ADGRL3: variants seen among roughly 807,000 people sequenced by gnomAD.
ADGRL3 encodes the protein adhesion G protein-coupled receptor L3, also known as calcium-independent alpha-latrotoxin receptor 3.
Under a neutral mutation model 153.5 loss-of-function variants are expected in ADGRL3, and 62 were observed. The observed-to-expected ratio is 0.40, with a 90% CI of 0.33 to 0.50. The LOEUF is 0.50. Among genes scored for constraint, ADGRL3 ranks in the 20% least tolerant of loss-of-function variants. The probability of loss-of-function intolerance (pLI) is 0.47; values close to 1 mark genes in which losing one functional copy is unlikely to be tolerated. For synonymous variants in ADGRL3, 710 were observed against 672.5 expected (o/e 1.06, Z -0.86); for missense variants, 1,641 against 1,859.4 (o/e 0.88, Z 2.16).
intron 11 of ADGRL3, among the ~76,000 whole-genome samples, chr4:61,907,623 C>CAT (rs201165690): frequency 0.019 from 2,808 of 149,988 alleles, 87 homozygotes; most frequent in African/African-American, 0.059. Context: ...TATACATACA[C>CAT]ATATATATAT....
chr4:61,869,157 T>A (rs971741844), intron 9 of ADGRL3, among the ~76,000 whole-genome samples: 5 of 152,056 alleles, frequency 3.3e-5, no homozygotes, highest in Admixed American at 6.5e-5. Context: ...TTGCCCAGGC[T>A]GGTCTTGAAC....
intron 2 of ADGRL3, among the ~76,000 whole-genome samples, chr4:61,390,841 C>G (rs1228934600): frequency 1.3e-5 from 2 of 152,154 alleles, no homozygotes; most frequent in East Asian, 3.9e-4. Context: ...GCCTCTGCCC[C>G]TAACTCCCCG....
intron 4 of ADGRL3, among the ~76,000 whole-genome samples, chr4:61,546,721 C>A (rs941324012): frequency 2.0e-5 from 3 of 152,040 alleles, no homozygotes; most frequent in Non-Finnish European, 2.9e-5. Context: ...ATTCTCCAGA[C>A]ATGAGAAAAT....
chr4:61,219,163 A>G (rs1744235386), intron 1 of ADGRL3, among the ~76,000 whole-genome samples: 1 of 152,128 alleles, frequency 6.6e-6, no homozygotes, highest in Non-Finnish European at 1.5e-5. Flanking sequence ...CATTTTGACT[A>G]TACTATGCTG....
chr4:61,732,859 A>C lies in ADGRL3; in HGVS notation c.704A>C (p.Asp235Ala). Residue 235 changes from aspartate (D) to alanine (A), a missense_variant, in exon 8 of 27, where the codon GAC becomes GCC. Physicochemically the swap from Asp to Ala is moderately radical, Grantham distance 126. This residue lies in a region of ADGRL3 where 213 missense variants were observed against 362.1 expected (regional missense o/e 0.59). Coordinates refer to ENST00000683033, the MANE Select transcript of ADGRL3 (RefSeq NM_001387552.1). ...AWCKDPLQAS[D>A]KIYYMPWTPY... is the part of the protein sequence containing the mutation. ...TGCAAAGACCCTCTGCAGGCATCTG[A>C]CAAGATTTATTATATGCCCTGGACT... The C allele has an allele frequency of 1.2e-6, 2 of 1,613,594 alleles. No individual in the cohort carries two copies. The highest frequency in any genetic ancestry group is 4.5e-5 in the East Asian group (2 of 44,874).
intron 21 of ADGRL3, among the ~76,000 whole-genome samples, chr4:62,027,576 C>A (rs921353321): frequency 3.9e-5 from 6 of 151,956 alleles, no homozygotes; most frequent in African/African-American, 1.4e-4. Context: ...TATTTTACTG[C>A]ATCATATTAC....
chr4:61,453,377 G>T (rs1216510888), intron 2 of ADGRL3, among the ~76,000 whole-genome samples: 1 of 152,088 alleles, frequency 6.6e-6, no homozygotes, highest in South Asian at 2.1e-4. Context: ...TTTTCAAAAT[G>T]TTCACAAATA....
intron 13 of ADGRL3, among the ~76,000 whole-genome samples, chr4:61,930,277 A>AG (rs1421038785): frequency 2.0e-5 from 3 of 152,034 alleles, no homozygotes; most frequent in African/African-American, 4.8e-5. Flanking sequence ...AAATGGAGGA[A>AG]GGGGGGTAAC....
intron 8 of ADGRL3, among the ~76,000 whole-genome samples, chr4:61,756,436 A>T (rs2096831575): frequency 6.6e-6 from 1 of 152,194 alleles, no homozygotes; most frequent in South Asian, 2.1e-4. Flanking sequence ...TTATTGGTGT[A>T]TAAGAATGCT....
chr4:61,573,644 G>T (rs530477812), intron 4 of ADGRL3, among the ~76,000 whole-genome samples: 21 of 151,880 alleles, frequency 1.4e-4, no homozygotes, highest in Middle Eastern at 3.4e-3. Flanking sequence ...CCATCAATTT[G>T]TCAACTAGAA....
At chr4:61,326,311 T>C (rs2095462594) in intron 1 of ADGRL3, among the ~76,000 whole-genome samples, 1 of 152,098 alleles carries the variant, frequency 6.6e-6, no homozygotes, top group Non-Finnish European at 1.5e-5. Flanking sequence ...TTTCAAATTT[T>C]CAGGAGACAC....
chr4:61,368,434 CT>C (rs2096451675), intron 1 of ADGRL3, among the ~76,000 whole-genome samples: 1 of 152,130 alleles, frequency 6.6e-6, no homozygotes, highest in East Asian at 1.9e-4. Flanking sequence ...CCAGTTTCAG[CT>C]TTTCTACATA....
intron 2 of ADGRL3, among the ~76,000 whole-genome samples, chr4:61,487,443 A>G (rs560706095): frequency 2.6e-5 from 4 of 152,238 alleles, no homozygotes; most frequent in African/African-American, 9.6e-5. Context: ...GTAAGGGCTT[A>G]ATAAATGTTA....
At chr4:61,841,329 GTCA>G (rs1336355130) in intron 9 of ADGRL3, among the ~76,000 whole-genome samples, 2 of 152,038 alleles carry the variant, frequency 1.3e-5, no homozygotes, top group Non-Finnish European at 2.9e-5. Context: ...TATAAATTAG[GTCA>G]TTTCTTAAAT....
At chr4:61,535,849 C>T (rs2098652618) in intron 4 of ADGRL3, among the ~76,000 whole-genome samples, 2 of 151,936 alleles carry the variant, frequency 1.3e-5, no homozygotes, top group East Asian at 3.9e-4. Flanking sequence ...TTTCAAATAA[C>T]CAATTTTTTA....
intron 5 of ADGRL3, among the ~76,000 whole-genome samples, chr4:61,630,493 G>GGTT (rs1325526344): frequency 6.6e-6 from 1 of 152,116 alleles, no homozygotes; most frequent in Non-Finnish European, 1.5e-5. Context: ...ACATGCTGTT[G>GGTT]GTTGTTGTTG....
chr4:61,695,423 A>G (rs6825200), intron 6 of ADGRL3, among the ~76,000 whole-genome samples: 56,805 of 151,972 alleles, frequency 0.37, 11,967 homozygotes, highest in Non-Finnish European at 0.49. Context: ...TTTTGAAAGT[A>G]ATCTCTTTTT....
At chr4:61,494,752 G>C (rs2098295237) in intron 2 of ADGRL3, among the ~76,000 whole-genome samples, 1 of 151,816 alleles carries the variant, frequency 6.6e-6, no homozygotes, top group Admixed American at 6.6e-5. Context: ...AATGAGCTTT[G>C]TTTCCCATAA....
At chr4:61,289,832 C>G (rs2094102259) in intron 1 of ADGRL3, among the ~76,000 whole-genome samples, 1 of 152,066 alleles carries the variant, frequency 6.6e-6, no homozygotes, top group Non-Finnish European at 1.5e-5. Flanking sequence ...TCACTACTTA[C>G]AAGCTGTGTG....
Sources: gnomAD v4.1 joint callset for allele counts (sites outside exome capture counted in the v4.1 genomes callset) on GRCh38, gnomAD v4.1.1 for gene constraint, gnomAD v4.1.1 regional missense constraint, MANE v1.5 for transcripts, NCBI Gene and HGNC (gene_info 2026-07-23, HGNC 2026-07-21) for gene names.